Variants in SNX3 observed in about 807,000 individuals in gnomAD.
The protein encoded by SNX3 is sorting nexin 3, also known as sorting nexin-3.
Under a neutral mutation model 17.7 loss-of-function variants are expected in SNX3, and 5 were observed. The ratio of observed to expected loss-of-function variants is 0.28; its 90% CI spans 0.15 to 0.59. The LOEUF (loss-of-function observed/expected upper bound fraction) is 0.59. Among genes scored for constraint, SNX3 ranks in the 20% least tolerant of loss-of-function variants. The probability of loss-of-function intolerance (pLI) is 0.88; values close to 1 mark genes in which losing one functional copy is unlikely to be tolerated. For missense variants in SNX3, 132 were observed against 206.8 expected (o/e 0.64, Z 2.22); for synonymous variants, 91 against 76.5 (o/e 1.19, Z -0.99).
In SNX3 at chr6:108,260,936, T is replaced by TGCCGCCGCCGCGGGCTCCC; in HGVS notation, c.-34_-16dup. ...GTCTCCGCCATTTCGCTGTAGCTGC[T>TGCCGCCGCCGCGGGCTCCC]GCCGCCGCCGCGGGCTCCCTCCGCC... On this transcript the variant is annotated 5_prime_UTR_variant, in exon 1 of 4. Transcript: ENST00000230085. 6.4e-7 allele frequency: 1 copy of TGCCGCCGCCGCGGGCTCCC among 1,554,720 alleles called. No homozygotes were observed. The highest frequency in any genetic ancestry group is 8.7e-7 in the Non-Finnish European group (1 of 1,151,978).
At chr6:108,251,432 T>C (rs1309742229) in intron 1 of SNX3, among the ~76,000 whole-genome samples, 1 of 152,190 alleles carries the variant, frequency 6.6e-6, no homozygotes, top group Admixed American at 6.6e-5. Context: ...CATGGCCACC[T>C]GGTTAAATTT....
chr6:108,226,958 T>C (rs561851983), intron 1 of SNX3, among the ~76,000 whole-genome samples: 1 of 152,250 alleles, frequency 6.6e-6, no homozygotes, highest in African/African-American at 2.4e-5. Context: ...AAGGAAAAAA[T>C]TGCACCTAAC....
intron 1 of SNX3, among the ~76,000 whole-genome samples, chr6:108,238,662 A>G (rs1775427734): frequency 1.3e-5 from 2 of 152,198 alleles, no homozygotes; most frequent in Admixed American, 6.5e-5. Flanking sequence ...GTATTTGTGG[A>G]TGAAGAGTTT....
chr6:108,243,809 T>G (rs1775600846), intron 1 of SNX3, among the ~76,000 whole-genome samples: 1 of 152,162 alleles, frequency 6.6e-6, no homozygotes, highest in Non-Finnish European at 1.5e-5. Context: ...GGTACGAGCC[T>G]GTAATCCCAG....
At chr6:108,246,313 CTTTTTTTTTT>C (rs71015538) in intron 1 of SNX3, among the ~76,000 whole-genome samples, 8 of 47,972 alleles carry the variant, frequency 1.7e-4, no homozygotes, top group Admixed American at 6.0e-4. Flanking sequence ...TTTGAGCATT[CTTTTTTTTTT>C]TTTTTTTTTT....
intron 1 of SNX3, among the ~76,000 whole-genome samples, chr6:108,226,982 T>C (rs1430392610): frequency 6.6e-6 from 1 of 152,190 alleles, no homozygotes; most frequent in Non-Finnish European, 1.5e-5. Context: ...ACTCTTATTA[T>C]ACTAAAAGTC....
chr6:108,260,370 A>T (rs1016763718), intron 1 of SNX3, among the ~76,000 whole-genome samples: 9 of 152,226 alleles, frequency 5.9e-5, no homozygotes, highest in Non-Finnish European at 1.2e-4. Flanking sequence ...AGGAAGAGAA[A>T]ACTGGGAAAA....
At chr6:108,220,510 G>A (rs1234503081) in intron 2 of SNX3, among the ~76,000 whole-genome samples, 2 of 152,104 alleles carry the variant, frequency 1.3e-5, no homozygotes, top group African/African-American at 4.8e-5. Context: ...GGAGTAATAG[G>A]CTGTACCATA....
intron 1 of SNX3, among the ~76,000 whole-genome samples, chr6:108,253,393 CTTTTTT>C (rs369223904): frequency 4.9e-5 from 6 of 123,468 alleles, no homozygotes; most frequent in Non-Finnish European, 8.6e-5. Flanking sequence ...ATACATATGT[CTTTTTT>C]TTTTTTTTTT....
In SNX3 at chr6:108,214,278, C is replaced by T. The variant is rs549542135; in HGVS notation, c.383+220G>A. ...ATAAATTAACCAAGAAAAACAAATA[C>T]AAAACGTAGGTCAACACAAAGATGC... On this transcript the variant is annotated intron_variant, in intron 3 of 3. Transcript: ENST00000230085. Among the ~76,000 whole-genome samples, 15 of 152,234 alleles carry T rather than the reference C, an allele frequency of 9.9e-5. No homozygotes were observed. The East Asian group carries it at 2.7e-3, about 27-fold the overall frequency.
chr6:108,222,306 C>A (rs1352701025), intron 2 of SNX3: 3 of 1,303,906 alleles, frequency 2.3e-6, no homozygotes, highest in Non-Finnish European at 3.0e-6. Context: ...CCTCTGATGT[C>A]ATTCTGAGGC....
At chr6:108,215,633 T>G (rs1774545335) in intron 2 of SNX3, among the ~76,000 whole-genome samples, 1 of 152,044 alleles carries the variant, frequency 6.6e-6, no homozygotes, top group African/African-American at 2.4e-5. Context: ...CTTCTGGGAA[T>G]TATCTGGAGC....
intron 1 of SNX3, among the ~76,000 whole-genome samples, chr6:108,260,439 AG>A (rs1776155337): frequency 6.6e-6 from 1 of 151,958 alleles, no homozygotes; most frequent in Non-Finnish European, 1.5e-5. Context: ...TTCCCAGCGA[AG>A]GGATGTGTTC....
At chr6:108,245,920 T>C (rs1049220059) in intron 1 of SNX3, among the ~76,000 whole-genome samples, 8 of 152,250 alleles carry the variant, frequency 5.3e-5, no homozygotes, top group Non-Finnish European at 1.2e-4. Context: ...TGATGGTTTC[T>C]TTTGCTGTGC....
intron 1 of SNX3, among the ~76,000 whole-genome samples, chr6:108,224,907 T>C (rs1014968103): frequency 6.6e-6 from 1 of 152,252 alleles, no homozygotes; most frequent in Non-Finnish European, 1.5e-5. Flanking sequence ...CAAAGGCTAC[T>C]TGTTGCCACT....
chr6:108,226,862 A>G (rs985436218), intron 1 of SNX3, among the ~76,000 whole-genome samples: 2 of 152,254 alleles, frequency 1.3e-5, no homozygotes, highest in Admixed American at 6.5e-5. Context: ...GGTTTCAAGC[A>G]TGAAACCAAA....
At chr6:108,230,049 T>C (rs1049809299) in intron 1 of SNX3, among the ~76,000 whole-genome samples, 3 of 152,004 alleles carry the variant, frequency 2.0e-5, no homozygotes, top group African/African-American at 7.2e-5. Flanking sequence ...CTTTGAAATG[T>C]ATGGACAAGA....
chr6:108,255,705 T>C (rs1310706167), intron 1 of SNX3, among the ~76,000 whole-genome samples: 3 of 152,206 alleles, frequency 2.0e-5, no homozygotes, highest in Non-Finnish European at 4.4e-5. Flanking sequence ...TACATGTTTA[T>C]AATTCCCAAA....
At chr6:108,241,385 G>A (rs1308005939) in intron 1 of SNX3, among the ~76,000 whole-genome samples, 1 of 152,092 alleles carries the variant, frequency 6.6e-6, no homozygotes, top group Non-Finnish European at 1.5e-5. Flanking sequence ...GTCAGGTGCA[G>A]TGGCTCACGT....
Sources: gnomAD v4.1 joint callset for allele counts (sites outside exome capture counted in the v4.1 genomes callset) on GRCh38, gnomAD v4.1.1 for gene constraint, MANE v1.5 for transcripts, NCBI Gene and HGNC (gene_info 2026-07-23, HGNC 2026-07-21) for gene names.